Variants in NPAS3 observed in about 807,000 individuals in gnomAD.
The protein encoded by NPAS3 is neuronal PAS domain protein 3, also known as neuronal PAS domain-containing protein 3.
A neutral mutation model predicts 73.1 loss-of-function variants in NPAS3; 14 were observed. The ratio of observed to expected loss-of-function variants is 0.19; its 90% confidence interval spans 0.13 to 0.30. The LOEUF (loss-of-function observed/expected upper bound fraction) is 0.30. Ranked by LOEUF, NPAS3 falls within the 10% of genes least tolerant of loss-of-function variation. NPAS3 has a pLI of 1.00. For synonymous variants in NPAS3, 620 were observed against 541.5 expected (o/e 1.14, Z -2.01); for missense variants, 1,096 against 1,250.0 (o/e 0.88, Z 1.86).
At chr14:33,753,834 T>C (rs1303781757) in intron 7 of NPAS3, among the ~76,000 whole-genome samples, 3 of 152,182 alleles carry the variant, frequency 2.0e-5, no homozygotes, top group African/African-American at 7.2e-5. Context: ...CAAATGTCCA[T>C]GCTACAAGAG....
chr14:32,956,479 A>G (rs2036675952), intron 1 of NPAS3, among the ~76,000 whole-genome samples: 1 of 152,224 alleles, frequency 6.6e-6, no homozygotes, highest in Non-Finnish European at 1.5e-5. Context: ...GTTATTTCAT[A>G]CAAACCAGTA....
At chr14:32,944,329 A>T (rs1327577839) in intron 1 of NPAS3, among the ~76,000 whole-genome samples, 2 of 152,292 alleles carry the variant, frequency 1.3e-5, no homozygotes, top group African/African-American at 2.4e-5. Flanking sequence ...TGTTTTATAG[A>T]CGTGTCTTTA....
At chr14:33,664,901 C>G (rs767577412) in intron 5 of NPAS3, among the ~76,000 whole-genome samples, 3 of 152,156 alleles carry the variant, frequency 2.0e-5, no homozygotes, top group Non-Finnish European at 2.9e-5. Flanking sequence ...GCTTTTACAC[C>G]GTTGGTGGGA....
intron 5 of NPAS3, among the ~76,000 whole-genome samples, chr14:33,663,282 G>T (rs1474038640): frequency 6.6e-6 from 1 of 152,086 alleles, no homozygotes; most frequent in Non-Finnish European, 1.5e-5. Flanking sequence ...TAGCATGAAG[G>T]GGTGTTGAAT....
Position 33,668,449 on chromosome 14 carries a change from C to G in NPAS3, c.559-7762C>G, listed in dbSNP as rs142330018. On this transcript the variant is annotated intron_variant, in intron 5 of 11. Transcript: ENST00000356141. The stretch of plus-strand genomic sequence containing the variant: ...TGACCAGAATAAAATTACTTTGTAG[C>G]TTTCATAACACAAATGGAAAAAATC... Among the ~76,000 whole-genome samples the G allele has an allele frequency of 2.8e-3, 425 of 152,168 alleles. 6 individuals are homozygous for G. The highest frequency in any genetic ancestry group is 0.024 in the Admixed American group (369 of 15,294).
intron 3 of NPAS3, among the ~76,000 whole-genome samples, chr14:33,324,439 C>A (rs1208149540): frequency 6.6e-6 from 1 of 152,156 alleles, no homozygotes; most frequent in Non-Finnish European, 1.5e-5. Flanking sequence ...TAGTATTGTA[C>A]AAAATTGCTT....
chr14:33,112,250 C>A (rs1256735640), intron 2 of NPAS3, among the ~76,000 whole-genome samples: 5 of 152,228 alleles, frequency 3.3e-5, no homozygotes, highest in Non-Finnish European at 7.3e-5. Flanking sequence ...GCCACACTGA[C>A]TTCCACAATG....
At chr14:33,631,695 A>G (rs755588540) in intron 5 of NPAS3, among the ~76,000 whole-genome samples, 1 of 152,208 alleles carries the variant, frequency 6.6e-6, no homozygotes, top group Non-Finnish European at 1.5e-5. Context: ...GGAATTCTGC[A>G]GGCAGCATTG....
chr14:33,034,786 A>G (rs945766050), intron 1 of NPAS3, among the ~76,000 whole-genome samples: 1 of 152,118 alleles, frequency 6.6e-6, no homozygotes, highest in African/African-American at 2.4e-5. Context: ...ATCTCATTTC[A>G]TAAATGAGAA....
At chr14:33,466,614 A>G (rs986406662) in intron 4 of NPAS3, among the ~76,000 whole-genome samples, 7 of 152,216 alleles carry the variant, frequency 4.6e-5, no homozygotes, top group African/African-American at 1.7e-4. Context: ...TCACAGTGCT[A>G]CAGGCCATAC....
intron 4 of NPAS3, among the ~76,000 whole-genome samples, chr14:33,500,284 C>T (rs747160029): frequency 6.6e-6 from 1 of 151,810 alleles, no homozygotes; most frequent in Non-Finnish European, 1.5e-5. Context: ...CAAGAAGTGG[C>T]ATTTTTAGTT....
chr14:33,129,948 A>G (rs2043572914), intron 2 of NPAS3, among the ~76,000 whole-genome samples: 1 of 152,178 alleles, frequency 6.6e-6, no homozygotes, highest in South Asian at 2.1e-4. Context: ...TAAGCAACAG[A>G]TCATACCATC....
chr14:33,162,105 G>T (rs1454461916), intron 2 of NPAS3, among the ~76,000 whole-genome samples: 1 of 152,168 alleles, frequency 6.6e-6, no homozygotes, highest in Non-Finnish European at 1.5e-5. Flanking sequence ...AATGAATTTT[G>T]CAAATCCCTG....
intron 1 of NPAS3, among the ~76,000 whole-genome samples, chr14:32,947,111 C>A (rs1389820198): frequency 6.6e-6 from 1 of 152,060 alleles, no homozygotes; most frequent in Non-Finnish European, 1.5e-5. Flanking sequence ...TGAACTAGGG[C>A]ATTTTCATTT....
chr14:33,431,568 A>G (rs1333034677), intron 4 of NPAS3, among the ~76,000 whole-genome samples: 1 of 152,196 alleles, frequency 6.6e-6, no homozygotes, highest in Non-Finnish European at 1.5e-5. Context: ...CTTAGTGATT[A>G]TGAAGGATTT....
intron 9 of NPAS3, among the ~76,000 whole-genome samples, chr14:33,779,011 G>C (rs1385961396): frequency 2.0e-5 from 3 of 152,242 alleles, no homozygotes; most frequent in African/African-American, 7.2e-5. Context: ...ACTGGGGTGA[G>C]GGGAAGCCAG....
At chr14:33,536,550 G>A (rs942191078) in intron 4 of NPAS3, among the ~76,000 whole-genome samples, 1 of 152,108 alleles carries the variant, frequency 6.6e-6, no homozygotes, top group African/African-American at 2.4e-5. Context: ...ATGGGCTTTA[G>A]CTATGCAGTT....
chr14:33,216,237 T>C (rs1332786997), intron 3 of NPAS3, among the ~76,000 whole-genome samples: 5 of 152,192 alleles, frequency 3.3e-5, no homozygotes, highest in East Asian at 3.8e-4. Flanking sequence ...AGACACTTTA[T>C]AGCATGAAAT....
intron 1 of NPAS3, among the ~76,000 whole-genome samples, chr14:33,023,650 C>T (rs1392107986): frequency 6.6e-6 from 1 of 152,192 alleles, no homozygotes; most frequent in Non-Finnish European, 1.5e-5. Flanking sequence ...TCATATTAGA[C>T]ATTAAAATCC....
Sources: allele counts gnomAD v4.1 joint callset (sites outside exome capture counted in the v4.1 genomes callset), GRCh38; gene constraint gnomAD v4.1.1; transcripts MANE v1.5; gene names NCBI Gene and HGNC (gene_info 2026-07-23, HGNC 2026-07-21).